The following DUSP22 variants were observed in gnomAD, a reference collection of about 807,000 sequenced individuals.
DUSP22 encodes the protein dual specificity phosphatase 22, also known as dual specificity protein phosphatase 22.
A neutral mutation model predicts 24.5 loss-of-function variants in DUSP22; 24 were observed. The observed-to-expected ratio is 0.98, with a 90% CI of 0.71 to 1.38. The LOEUF is 1.38. DUSP22 is among the 40% of genes most tolerant of loss of function. The pLI is 0.00. For synonymous variants in DUSP22, 160 were observed against 106.4 expected (o/e 1.50, Z -3.10); for missense variants, 330 against 269.2 (o/e 1.23, Z -1.58).
chr6:347,166 G>A (rs11961648), intron 5 of DUSP22, among the ~76,000 whole-genome samples: 1,364 of 151,844 alleles, frequency 9.0e-3, no homozygotes, highest in African/African-American at 0.032. Context: ...CCTAGTGAAG[G>A]TGAATCTCCA....
rs538914761 is a variant in DUSP22 at position 320,300 on chromosome 6, A to G, written c.138+8338A>G. The G allele has an allele frequency of 2.0e-5, 3 of 152,870 alleles. No individual in the cohort carries two copies. In the South Asian group the frequency reaches 6.2e-4, roughly 32 times the overall value. The allele number at this position is 152,870 out of a possible 1,614,324, so 9.5% of individuals were successfully genotyped here. ...GACACTCTTCCTAGATGTTGCCTTC[A>G]TGTTGAGTCCCGGTGTCTGAGCATT... On this transcript the variant is annotated intron_variant, in intron 3 of 6. Transcript: ENST00000419235.
At chr6:302,754 A>C (rs1757642248) in intron 1 of DUSP22, among the ~76,000 whole-genome samples, 1 of 152,302 alleles carries the variant, frequency 6.6e-6, no homozygotes, top group Non-Finnish European at 1.5e-5. Flanking sequence ...GTAAAAAGTG[A>C]TCCTGACACT....
chr6:346,591 A>G (rs1051111749), intron 5 of DUSP22, among the ~76,000 whole-genome samples: 1 of 152,310 alleles, frequency 6.6e-6, no homozygotes, highest in Admixed American at 6.5e-5. Context: ...AATCATGCTA[A>G]TAACATGGCT....
chr6:328,713 A>T (rs934528012), intron 3 of DUSP22, among the ~76,000 whole-genome samples: 4 of 152,302 alleles, frequency 2.6e-5, no homozygotes, highest in Non-Finnish European at 5.9e-5. Context: ...TCAGTTTAGA[A>T]CCTGGACTTA....
At chr6:296,309 C>T (rs889094398) in intron 1 of DUSP22, among the ~76,000 whole-genome samples, 1 of 152,282 alleles carries the variant, frequency 6.6e-6, no homozygotes, top group Admixed American at 6.5e-5. Context: ...GAGTAAGCCA[C>T]AACTCCATGA....
intron 4 of DUSP22, among the ~76,000 whole-genome samples, chr6:343,611 C>T (rs1299943268): frequency 1.7e-5 from 1 of 58,294 alleles, no homozygotes; most frequent in African/African-American, 7.2e-5. Flanking sequence ...ATTTGGTCCC[C>T]TAGGGATTTG....
At chr6:330,510 C>A (rs566770335) in intron 3 of DUSP22, among the ~76,000 whole-genome samples, 33 of 152,404 alleles carry the variant, frequency 2.2e-4, no homozygotes, top group African/African-American at 7.2e-4. Context: ...TGATCTCTTT[C>A]TTTACCAGTC....
At chr6:314,422 T>C (rs1311093486) in intron 3 of DUSP22, among the ~76,000 whole-genome samples, 1 of 152,308 alleles carries the variant, frequency 6.6e-6, no homozygotes, top group Non-Finnish European at 1.5e-5. Context: ...TGAAGCGACG[T>C]ATTGGGCACT....
At chr6:300,335 C>T (rs952363387) in intron 1 of DUSP22, among the ~76,000 whole-genome samples, 1 of 152,296 alleles carries the variant, frequency 6.6e-6, no homozygotes, top group Non-Finnish European at 1.5e-5. Context: ...GAAAGGTCTC[C>T]CTTGCCAAGG....
At chr6:319,752 T>G in intron 3 of DUSP22, among the ~76,000 whole-genome samples, 1 of 152,308 alleles carries the variant, frequency 6.6e-6, no homozygotes. Flanking sequence ...AGATTGACAG[T>G]TGTTTCCAGC....
rs549542153 is a variant in DUSP22, at chr6:318,205, G to C, written c.138+6243G>C. Among the ~76,000 whole-genome samples, 13 of 152,422 alleles carry C rather than the reference G, an allele frequency of 8.5e-5. No homozygotes were observed. In the South Asian group the frequency reaches 2.5e-3, roughly 29 times the overall value. ...GATTGAAATCTAGAGAGCTACCTTT[G>C]CTTGTCATTAAAAGCTTGGCTCTAC... On this transcript the variant is annotated intron_variant, in intron 3 of 6. Transcript: ENST00000419235.
chr6:310,782 T>C (rs1758048959), intron 2 of DUSP22, among the ~76,000 whole-genome samples: 1 of 152,306 alleles, frequency 6.6e-6, no homozygotes, highest in African/African-American at 2.4e-5. Context: ...GCAGAAAGAC[T>C]GACCTAAGGT....
intron 4 of DUSP22, among the ~76,000 whole-genome samples, chr6:337,633 A>G (rs1392743345): frequency 2.6e-5 from 4 of 152,300 alleles, no homozygotes; most frequent in Non-Finnish European, 5.9e-5. Context: ...TTCTTTTTAA[A>G]ATACGTATAG....
chr6:324,037 G>T (rs1418508982), intron 3 of DUSP22, among the ~76,000 whole-genome samples: 1 of 152,294 alleles, frequency 6.6e-6, no homozygotes, highest in Admixed American at 6.5e-5. Flanking sequence ...ATTTCCAAGT[G>T]TTTTTGGTTT....
chr6:335,742 T>G (rs964387183), intron 4 of DUSP22, among the ~76,000 whole-genome samples: 3 of 152,298 alleles, frequency 2.0e-5, no homozygotes, highest in Non-Finnish European at 4.4e-5. Context: ...GTTTCATACT[T>G]GGCACATCTC....
intron 2 of DUSP22, among the ~76,000 whole-genome samples, chr6:311,005 A>G (rs1256764535): frequency 2.0e-5 from 3 of 152,308 alleles, no homozygotes; most frequent in Non-Finnish European, 4.4e-5. Context: ...CCTGAAACAC[A>G]CTTTCAGGTT....
chr6:333,063 C>G (rs1759206555), intron 3 of DUSP22, among the ~76,000 whole-genome samples: 1 of 152,304 alleles, frequency 6.6e-6, no homozygotes, highest in African/African-American at 2.4e-5. Context: ...TTACTTTTAA[C>G]AATAATACTT....
intron 2 of DUSP22, among the ~76,000 whole-genome samples, chr6:306,365 C>T (rs1371964956): frequency 6.6e-6 from 1 of 152,302 alleles, no homozygotes; most frequent in African/African-American, 2.4e-5. Context: ...TTTGGAAGGA[C>T]AGCTTTAAGG....
chr6:328,395 C>T (rs1758983823), intron 3 of DUSP22, among the ~76,000 whole-genome samples: 1 of 152,306 alleles, frequency 6.6e-6, no homozygotes, highest in Non-Finnish European at 1.5e-5. Context: ...CCACTTTAGC[C>T]TTGCACTGAA....
Sources: gnomAD v4.1 joint callset for allele counts (sites outside exome capture counted in the v4.1 genomes callset) on GRCh38, gnomAD v4.1.1 for gene constraint, MANE v1.5 for transcripts, NCBI Gene and HGNC (gene_info 2026-07-23, HGNC 2026-07-21) for gene names.